HERC1: variants seen among roughly 807,000 people sequenced by gnomAD.
The protein encoded by HERC1 is HECT and RLD domain containing E3 ubiquitin protein ligase family member 1.
In HERC1, 160 loss-of-function variants were observed where a neutral mutation model predicts 554.3. The ratio of observed to expected loss-of-function variants is 0.29; its 90% CI spans 0.25 to 0.33. HERC1 has a LOEUF of 0.33. Among genes scored for constraint, HERC1 ranks in the 10% least tolerant of loss-of-function variants. The pLI is 1.00. For missense variants in HERC1, 4,919 were observed against 5,918.5 expected (o/e 0.83, Z 5.54); for synonymous variants, 2,175 against 2,131.7 (o/e 1.02, Z -0.56).
rs1289792444 is a variant in HERC1, at chr15:63,612,189, A to G, written c.14400+62T>C. The G allele has an allele frequency of 6.2e-6, 9 of 1,441,036 alleles. No homozygotes were observed. The highest frequency in any genetic ancestry group is 8.4e-6 in the Non-Finnish European group (9 of 1,066,156). 89.3% of individuals were successfully genotyped at this position (1,441,036 alleles called of 1,614,324 possible). A position where few individuals can be genotyped will look rare whatever the true frequency, so the allele number is the denominator to read the frequency against. On this transcript the variant is annotated intron_variant, in intron 77 of 77. Transcript: ENST00000443617. This position sits in a 1 kb window ranked among gnomAD's most constrained non-coding sequence, Gnocchi z 5.0. ...GGCCACAGAGTGAGACCCTGTCTCA[A>G]CAAAAACAACAATGAAGCAATAAGG...
At chr15:63,624,348 A>G (rs775019165) in intron 71 of HERC1, 21 bp from the exon 72 acceptor site, 2 of 1,564,368 alleles carry the variant, frequency 1.3e-6, no homozygotes, top group Non-Finnish European at 1.7e-6. Context: ...AGGTACGGTT[A>G]TCAGAAATGG....
intron 69 of HERC1, 135 bp from the exon 70 acceptor site, chr15:63,628,950 AT>A: frequency 1.3e-6 from 1 of 765,546 alleles, no homozygotes; most frequent in Non-Finnish European, 2.0e-6. Context: ...AATAAAACAC[AT>A]TCTTTTTTTT....
chr15:63,744,110 CTGTGTG>C (rs142936354), intron 12 of HERC1, among the ~76,000 whole-genome samples: 163 of 93,354 alleles, frequency 1.7e-3, no homozygotes, highest in East Asian at 0.013. Flanking sequence ...CCCAAACAGA[CTGTGTG>C]TGTGTGTGTG....
intron 1 of HERC1, among the ~76,000 whole-genome samples, chr15:63,799,306 G>A (rs1048429615): frequency 6.6e-6 from 1 of 152,010 alleles, no homozygotes; most frequent in East Asian, 1.9e-4. Flanking sequence ...TTTGAGACCA[G>A]CCTGGGAAAT....
Position 63,628,116 on chromosome 15 carries a change from C to T in HERC1, c.13105+561G>A, listed in dbSNP as rs943780195. Among the ~76,000 whole-genome samples the T allele has an allele frequency of 4.6e-5, 7 of 152,270 alleles. No homozygotes were observed. In the South Asian group the frequency reaches 1.0e-3, roughly 23 times the overall value. On this transcript the variant is annotated intron_variant, in intron 70 of 77. Transcript: ENST00000443617. Reference sequence around the variant, plus strand: ...TTATATATTAAAAATACCGGCCAGGCGCTGTGGCTCATGCCTGTAATCCTA... The same window carrying T: ...TTATATATTAAAAATACCGGCCAGGTGCTGTGGCTCATGCCTGTAATCCTA...
In HERC1 at chr15:63,656,286, T is replaced by A. The variant is rs1487016357; in HGVS notation, c.9672A>T (p.Leu3224Phe). The change falls in exon 49 of 78, where the codon TTA becomes TTT. Residue 3224 changes from leucine to phenylalanine, a missense_variant. Coordinates refer to ENST00000443617, the MANE Select transcript of HERC1 (RefSeq NM_003922.4). Reference protein sequence around the residue: ...GLTDIRTLVRLMCLAAAGRAG... With the variant: ...GLTDIRTLVRFMCLAAAGRAG... ...CTCTCCCTGCTGCTGCCAAGCACAT[T>A]AATCGAACTAGCGTTCGGATATCTG... 2.5e-6 allele frequency: 4 copies of A among 1,613,852 alleles called. No individual in the cohort carries two copies. Among genetic ancestry groups the A allele is most frequent in the Non-Finnish European group, 3.4e-6 (4 of 1,179,888 alleles).
intron 6 of HERC1, 89 bp downstream of exon 6, chr15:63,755,139 TG>T: frequency 2.4e-6 from 2 of 820,802 alleles, no homozygotes; most frequent in Non-Finnish European, 4.1e-6. Context: ...TGACAGTCTT[TG>T]GCCTAGTAAA....
At chr15:63,627,628 T>A (rs2068356770) in intron 70 of HERC1, among the ~76,000 whole-genome samples, 1 of 150,480 alleles carries the variant, frequency 6.6e-6, no homozygotes, top group Non-Finnish European at 1.5e-5. Context: ...AAGCCGAGAT[T>A]GCGCCATTAC....
chr15:63,625,420 C>T (rs1406276355), intron 71 of HERC1, among the ~76,000 whole-genome samples: 2 of 151,938 alleles, frequency 1.3e-5, no homozygotes, highest in Non-Finnish European at 2.9e-5. Flanking sequence ...TGGCTGGGAG[C>T]GGTGGCTCAC....
chr15:63,713,003 A>G (rs1304922405), intron 23 of HERC1, 108 bp from the exon 24 acceptor site: 5 of 1,065,124 alleles, frequency 4.7e-6, no homozygotes, highest in African/African-American at 1.6e-5. Flanking sequence ...AGGGAGGAGT[A>G]ATGTCAGTTG....
chr15:63,755,958 C>G (rs955954993), intron 5 of HERC1, among the ~76,000 whole-genome samples: 5 of 152,182 alleles, frequency 3.3e-5, no homozygotes, highest in Non-Finnish European at 7.4e-5. Context: ...TAAGAGCACT[C>G]TCTGACCTAC....
chr15:63,822,078 G>A (rs1209990895), intron 1 of HERC1, among the ~76,000 whole-genome samples: 1 of 152,170 alleles, frequency 6.6e-6, no homozygotes, highest in Non-Finnish European at 1.5e-5. Context: ...ACAGAAGCCT[G>A]AATTATGTGA....
At chr15:63,630,970 CA>C (rs2068523685) in intron 68 of HERC1, among the ~76,000 whole-genome samples, 1 of 152,148 alleles carries the variant, frequency 6.6e-6, no homozygotes. Flanking sequence ...TTCAGGCCCT[CA>C]AGTTTCTTAT....
At chr15:63,729,706 A>C in intron 14 of HERC1, 57 bp from the exon 15 acceptor site, 1 of 1,547,440 alleles carries the variant, frequency 6.5e-7, no homozygotes, top group Non-Finnish European at 8.9e-7. Context: ...GAAAGTAACA[A>C]CCTACCATAA....
intron 51 of HERC1, among the ~76,000 whole-genome samples, chr15:63,653,165 G>T (rs1230086550): frequency 1.7e-4 from 26 of 152,100 alleles, no homozygotes; most frequent in Non-Finnish European, 1.5e-5. Flanking sequence ...AGTAGGCCAG[G>T]TGCAGTGGCT....
chr15:63,734,991 C>A lies in HERC1; in HGVS notation c.2521-142G>T, dbSNP rs143366834. On this transcript the variant is annotated intron_variant, in intron 12 of 77. Transcript: ENST00000443617. The surrounding 1 kb of genome is among the most constrained non-coding windows in gnomAD (Gnocchi z 4.6). ...ATAAAAAAGAAAGCATGCAAGTCCT[C>A]CTTCAGATGTCTTTAAGAAGACTAT... 1.5e-6 allele frequency: 1 copy of A among 668,186 alleles called. No individual in the cohort carries two copies. Among genetic ancestry groups the A allele is most frequent in the Non-Finnish European group, 2.5e-6 (1 of 405,874 alleles). 41.4% of individuals were successfully genotyped at this position (668,186 alleles called of 1,614,324 possible).
At chr15:63,785,068 G>A (rs1296050987) in intron 1 of HERC1, among the ~76,000 whole-genome samples, 1 of 152,080 alleles carries the variant, frequency 6.6e-6, no homozygotes, top group East Asian at 1.9e-4. Flanking sequence ...CAAAATCAAG[G>A]GAATGTAGTC....
At chr15:63,641,323 G>A in intron 60 of HERC1, 147 bp downstream of exon 60, 1 of 575,422 alleles carries the variant, frequency 1.7e-6, no homozygotes, top group South Asian at 4.0e-5. Context: ...ACTCTTTTAG[G>A]CATGACTTAC....
Position 63,649,824 on chromosome 15 carries a change from A to G in HERC1, c.10648T>C (p.Leu3550=), listed in dbSNP as rs1251736977. 1 of 1,613,492 alleles carries G rather than the reference A, an allele frequency of 6.2e-7. No individual in the cohort carries two copies. The highest frequency in any genetic ancestry group is 1.1e-5 in the South Asian group (1 of 90,926). ...TAWSGESPEL[L]LVGRMDGSLG... ...GATCCATCCATCCGTCCCACCAACA[A>G]CAATTCTGGAGACTCTCCTGACCAG... The change falls in exon 54 of 78, where the codon TTG becomes CTG. Residue 3550 remains leucine (L), a synonymous_variant. Transcript: ENST00000443617.
Sources: allele counts gnomAD v4.1 joint callset (sites outside exome capture counted in the v4.1 genomes callset), GRCh38; gene constraint gnomAD v4.1.1; non-coding constraint Gnocchi (gnomAD v3.1); transcripts MANE v1.5; gene names NCBI Gene and HGNC (gene_info 2026-07-23, HGNC 2026-07-21).